MYO16: variants seen among roughly 807,000 people sequenced by gnomAD.
The protein encoded by MYO16 is unconventional myosin-XVI.
MYO16 carries 94 observed loss-of-function variants against 205.3 expected under a neutral mutation model. That is an observed-to-expected ratio of 0.46 (90% CI 0.39 to 0.54). The LOEUF (loss-of-function observed/expected upper bound fraction) is 0.54, where lower values mean the gene tolerates loss of function less well. MYO16 is among the 20% of genes least tolerant of loss of function. The pLI, the probability that MYO16 is intolerant of heterozygous loss-of-function variation, is 0.00. For missense variants in MYO16, 2,315 were observed against 2,387.5 expected (o/e 0.97, Z 0.63); for synonymous variants, 988 against 954.0 (o/e 1.04, Z -0.66).
At chr13:108,891,506 A>T (rs990410778) in intron 14 of MYO16, among the ~76,000 whole-genome samples, 1 of 152,256 alleles carries the variant, frequency 6.6e-6, no homozygotes, top group Non-Finnish European at 1.5e-5. Context: ...TTCTATGTGT[A>T]ACATTCAAGA....
chr13:108,905,188 T>C (rs1162424122), intron 15 of MYO16, among the ~76,000 whole-genome samples: 1 of 152,126 alleles, frequency 6.6e-6, no homozygotes, highest in South Asian at 2.1e-4. Flanking sequence ...GGCCATCGGT[T>C]TGTAAACTCA....
rs373670004 is a variant in MYO16 at position 108,631,443 on chromosome 13, C to T, written c.28+1571C>T. Among the ~76,000 whole-genome samples, 297 of 152,290 alleles carry T rather than the reference C, an allele frequency of 2.0e-3. 8 individuals are homozygous for T. In the South Asian group the frequency reaches 0.06, roughly 31 times the overall value. On this transcript the variant is annotated intron_variant, in intron 1 of 34. Coordinates refer to ENST00000457511, the MANE Select transcript of MYO16 (RefSeq NM_001198950.3). ...TTGTAGAATTTCGGAAAATTGTAGA[C>T]ATTTCAGAAAATTGGTGATGTCAAT...
At chr13:108,779,324 G>T (rs1388499034) in intron 4 of MYO16, among the ~76,000 whole-genome samples, 1 of 152,176 alleles carries the variant, frequency 6.6e-6, no homozygotes, top group Non-Finnish European at 1.5e-5. Flanking sequence ...AAGAAAGATT[G>T]ATGATAAATA....
At chr13:108,738,603 T>C (rs971625843) in intron 4 of MYO16, among the ~76,000 whole-genome samples, 4 of 152,302 alleles carry the variant, frequency 2.6e-5, no homozygotes, top group Non-Finnish European at 4.4e-5. Flanking sequence ...CTGAGAAGAA[T>C]GTATATTCTG....
At chr13:109,184,707 C>T (rs1459837037) in intron 34 of MYO16, among the ~76,000 whole-genome samples, 1 of 152,146 alleles carries the variant, frequency 6.6e-6, no homozygotes, top group African/African-American at 2.4e-5. Context: ...AGTGATTCTT[C>T]TGCCTCAGCC....
At chr13:109,014,007 T>C (rs1008022568) in intron 22 of MYO16, among the ~76,000 whole-genome samples, 3 of 152,246 alleles carry the variant, frequency 2.0e-5, no homozygotes, top group Non-Finnish European at 2.9e-5. Flanking sequence ...TTTGTTGCCA[T>C]TGCTTTTGGT....
Position 108,924,758 on chromosome 13 carries a change from C to T in MYO16, c.1925+14608C>T, listed in dbSNP as rs570855357. 2.6e-5 allele frequency among the ~76,000 whole-genome samples: 4 copies of T among 152,244 alleles called. No homozygotes were observed. The East Asian group carries it at 5.8e-4, about 22-fold the overall frequency. On this transcript the variant is annotated intron_variant, in intron 16 of 34. Coordinates refer to ENST00000457511, the MANE Select transcript of MYO16 (RefSeq NM_001198950.3). ...TTCCCAGCAACACAGCATGGCATGGCGACTCACTCCTGACGTCACGTCTTC... is the reference window on the plus strand; with the variant it reads ...TTCCCAGCAACACAGCATGGCATGGTGACTCACTCCTGACGTCACGTCTTC...
At chr13:109,205,596 A>C in intron 34 of MYO16, among the ~76,000 whole-genome samples, 1 of 151,500 alleles carries the variant, frequency 6.6e-6, no homozygotes, top group South Asian at 2.1e-4. Flanking sequence ...TTTTTTTTTT[A>C]AACCAGTATA....
intron 1 of MYO16, among the ~76,000 whole-genome samples, chr13:108,623,570 C>T (rs1430614269): frequency 6.6e-6 from 1 of 152,148 alleles, no homozygotes; most frequent in Non-Finnish European, 1.5e-5. Flanking sequence ...GGGCTATACT[C>T]CACTTCATTT....
intron 27 of MYO16, among the ~76,000 whole-genome samples, chr13:109,089,156 A>G (rs769521121): frequency 3.3e-5 from 5 of 151,868 alleles, no homozygotes; most frequent in Non-Finnish European, 5.9e-5. Flanking sequence ...ATTTAAGAGA[A>G]TAGCATAGAG....
chr13:108,780,864 T>C (rs1233363305), intron 4 of MYO16, among the ~76,000 whole-genome samples: 1 of 152,128 alleles, frequency 6.6e-6, no homozygotes, highest in Admixed American at 6.5e-5. Context: ...GGCTTCTATA[T>C]TGGGAATAAT....
intron 27 of MYO16, among the ~76,000 whole-genome samples, chr13:109,086,191 A>T (rs973920233): frequency 6.6e-6 from 1 of 152,226 alleles, no homozygotes; most frequent in African/African-American, 2.4e-5. Context: ...ACCTTCTCAC[A>T]AGCAATCGAA....
Position 108,926,506 on chromosome 13 carries a change from C to T in MYO16, c.1925+16356C>T, listed in dbSNP as rs551450676. On this transcript the variant is annotated intron_variant, in intron 16 of 34. Coordinates refer to ENST00000457511, the MANE Select transcript of MYO16 (RefSeq NM_001198950.3). The stretch of plus-strand genomic sequence containing the variant: ...GGTGCACTCAAGGAGGCATCGTGCT[C>T]AGGCGCAGGAGAAGTGAAAAGCAGG... Among the ~76,000 whole-genome samples, 7 of 152,178 alleles carry T rather than the reference C, an allele frequency of 4.6e-5. No individual in the cohort carries two copies. The East Asian group carries it at 1.4e-3, about 29-fold the overall frequency.
the MYO16 span, among the ~76,000 whole-genome samples, chr13:108,565,129 T>C: frequency 6.6e-6 from 1 of 152,222 alleles, no homozygotes; most frequent in Admixed American, 6.5e-5. Context: ...TTCTTACCTA[T>C]TCTCTATATT....
chr13:108,954,107 T>C (rs892774317), intron 16 of MYO16, among the ~76,000 whole-genome samples: 2 of 152,218 alleles, frequency 1.3e-5, no homozygotes, highest in African/African-American at 2.4e-5. Flanking sequence ...CACTTTCTCA[T>C]GGAGCAGGTC....
the MYO16 span, among the ~76,000 whole-genome samples, chr13:108,566,780 A>T: frequency 7.6e-6 from 1 of 131,226 alleles, no homozygotes; most frequent in East Asian, 2.0e-4. Flanking sequence ...GAAGGAAGGA[A>T]GGAAGGAAAG....
chr13:109,120,478 A>G lies in MYO16; in HGVS notation c.3535+12A>G, dbSNP rs752939655. The G allele has an allele frequency of 1.3e-6, 2 of 1,579,588 alleles. No individual in the cohort carries two copies. The highest frequency in any genetic ancestry group is 3.5e-5 in the Admixed American group (2 of 56,536). On this transcript the variant is annotated intron_variant, in intron 29 of 34. Transcript: ENST00000457511. ...AACCTGCCAAAAAGGTAACATTTAT[A>G]TGCCAACATTTCTGAATTTATTTGA...
At chr13:109,199,483 TA>T (rs1880320363) in intron 34 of MYO16, among the ~76,000 whole-genome samples, 1 of 151,958 alleles carries the variant, frequency 6.6e-6, no homozygotes. Context: ...AAGACTATTA[TA>T]AAAAGTTCCA....
the MYO16 span, among the ~76,000 whole-genome samples, chr13:108,543,748 T>G: frequency 6.7e-6 from 1 of 148,860 alleles, no homozygotes; most frequent in Non-Finnish European, 1.5e-5. Context: ...TTCTTTTTTT[T>G]TTTTTTTTTA....
Sources: gnomAD v4.1 joint callset for allele counts (sites outside exome capture counted in the v4.1 genomes callset) on GRCh38, gnomAD v4.1.1 for gene constraint, MANE v1.5 for transcripts, NCBI Gene and HGNC (gene_info 2026-07-23, HGNC 2026-07-21) for gene names.